The following ALKBH5 variants were observed in gnomAD, a reference collection of about 807,000 sequenced individuals.
The protein encoded by ALKBH5 is alkB homolog 5, RNA demethylase.
ALKBH5 carries 2 observed loss-of-function variants against 32.1 expected under a neutral mutation model. That is an observed-to-expected ratio of 0.06 (90% CI 0.03 to 0.20). The LOEUF is 0.20. ALKBH5 is among the 10% of genes least tolerant of loss of function. The probability of loss-of-function intolerance (pLI) is 1.00; values close to 1 mark genes in which losing one functional copy is unlikely to be tolerated. For synonymous variants in ALKBH5, 300 were observed against 231.7 expected (o/e 1.29, Z -2.68); for missense variants, 352 against 559.5 (o/e 0.63, Z 3.74).
chr17:18,193,225 G>A (rs1467644260), intron 1 of ALKBH5, among the ~76,000 whole-genome samples: 1 of 111,988 alleles, frequency 8.9e-6, no homozygotes, highest in Non-Finnish European at 1.8e-5. Context: ...TTGTCTAGGA[G>A]CAGCTTGAGG....
In ALKBH5 at chr17:18,208,550, G is replaced by T; in HGVS notation, c.*154G>T. 1.1e-6 allele frequency: 1 copy of T among 919,522 alleles called. No homozygotes were observed. The allele number at this position is 919,522 out of a possible 1,614,324, so 57.0% of individuals were successfully genotyped here. On this transcript the variant is annotated 3_prime_UTR_variant, in exon 4 of 4. Coordinates refer to ENST00000399138, the MANE Select transcript of ALKBH5 (RefSeq NM_017758.4). ...ATATTTTTCCTTGGTTTTGTTGCCT[G>T]TTAGGGCTGAAGAATAGAATTGGCC... is the stretch of plus-strand genomic sequence containing the variant.
chr17:18,203,982 C>T (rs935450091), intron 2 of ALKBH5, among the ~76,000 whole-genome samples: 14 of 152,228 alleles, frequency 9.2e-5, no homozygotes, highest in Non-Finnish European at 1.8e-4. Flanking sequence ...GGCCTTCCTT[C>T]CCTGAACATG....
intron 1 of ALKBH5, among the ~76,000 whole-genome samples, chr17:18,193,559 T>A (rs1173838811): frequency 2.7e-5 from 4 of 149,856 alleles, no homozygotes; most frequent in Non-Finnish European, 5.9e-5. Flanking sequence ...AAAAAAAAAA[T>A]TAAATAAAAT....
rs1160620572 is a variant in ALKBH5 at position 18,184,411 on chromosome 17, C to T, written c.168C>T (p.Ala56=). ...AAAEPYPVSG[A]KRKYQEDSDP... is the part of the protein sequence containing the mutation. The stretch of plus-strand genomic sequence containing the variant: ...CCGAACCTTACCCTGTGTCCGGGGC[C>T]AAGCGCAAGTATCAGGAGGACTCGG... The change falls in exon 1 of 4, where the codon GCC becomes GCT. Residue 56 remains alanine, a synonymous_variant. Coordinates refer to ENST00000399138, the MANE Select transcript of ALKBH5 (RefSeq NM_017758.4). The T allele has an allele frequency of 1.3e-6, 2 of 1,575,656 alleles. No individual in the cohort carries two copies. The highest frequency in any genetic ancestry group is 1.1e-5 in the South Asian group (1 of 87,660).
chr17:18,184,073 C>T lies in ALKBH5; in HGVS notation c.-171C>T. ...GTTGCATGACCCGCCGCTCCTGAGG[C>T]CCTACCCCACGCCCGGACCCTCGAC... On this transcript the variant is annotated 5_prime_UTR_variant, in exon 1 of 4. Transcript: ENST00000399138. 3 of 687,598 alleles carry T rather than the reference C, an allele frequency of 4.4e-6. No homozygotes were observed. The highest frequency in any genetic ancestry group is 7.8e-6 in the Non-Finnish European group (3 of 385,364). The allele number at this position is 687,598 out of a possible 1,614,324, so 42.6% of individuals were successfully genotyped here.
At chr17:18,187,877 C>A (rs1455195690) in intron 1 of ALKBH5, among the ~76,000 whole-genome samples, 1 of 152,132 alleles carries the variant, frequency 6.6e-6, no homozygotes, top group African/African-American at 2.4e-5. Flanking sequence ...TCTTAGACTT[C>A]AGTTGGTGTT....
chr17:18,189,338 T>C (rs758440457), intron 1 of ALKBH5, among the ~76,000 whole-genome samples: 3 of 152,032 alleles, frequency 2.0e-5, no homozygotes, highest in Admixed American at 6.6e-5. Context: ...ACCGAGATCA[T>C]GCCACTGAAC....
chr17:18,184,255 C>G lies in ALKBH5; in HGVS notation c.12C>G (p.Ala4=). Residue 4 remains alanine, a synonymous_variant, in exon 1 of 4, where the codon GCC becomes GCG. Transcript: ENST00000399138. The part of the protein sequence containing the change: MAA[A]SGYTDLREKL... ...GCGTCGTGGGGGCCATGGCGGCCGC[C>G]AGCGGCTACACGGACCTGCGTGAGA... 1 of 1,518,030 alleles carries G rather than the reference C, an allele frequency of 6.6e-7. No individual in the cohort carries two copies. Among genetic ancestry groups the G allele is most frequent in the South Asian group, 1.2e-5 (1 of 81,460 alleles). The allele number at this position is 1,518,030 out of a possible 1,614,324, so 94.0% of individuals were successfully genotyped here.
intron 2 of ALKBH5, among the ~76,000 whole-genome samples, chr17:18,205,825 G>A (rs1337202399): frequency 6.6e-6 from 1 of 152,152 alleles, no homozygotes; most frequent in East Asian, 1.9e-4. Flanking sequence ...TTAGAGTCCT[G>A]CTCTGACTGC....
chr17:18,201,726 C>T (rs1305065023), intron 2 of ALKBH5, among the ~76,000 whole-genome samples: 2 of 148,548 alleles, frequency 1.3e-5, no homozygotes, highest in Non-Finnish European at 3.0e-5. Flanking sequence ...GCTTGGGCTA[C>T]AGGGTGAGAC....
At position 18,188,950 on chromosome 17, in the gene ALKBH5, C is replaced by G. The variant is rs2142470570; in HGVS notation, c.770+3937C>G. Among the ~76,000 whole-genome samples the G allele has an allele frequency of 2.6e-5, 4 of 152,194 alleles. No individual in the cohort carries two copies. In the Middle Eastern group the frequency reaches 0.01, roughly 388 times the overall value. On this transcript the variant is annotated intron_variant, in intron 1 of 3. Coordinates refer to ENST00000399138, the MANE Select transcript of ALKBH5 (RefSeq NM_017758.4). Reference sequence around the variant, plus strand: ...GGCATGGTAGTGTGCACCTCTAATCCCAGCTACTCAGGAGGCTGAGGCAGG... The same window carrying G: ...GGCATGGTAGTGTGCACCTCTAATCGCAGCTACTCAGGAGGCTGAGGCAGG...
intron 2 of ALKBH5, among the ~76,000 whole-genome samples, chr17:18,198,932 C>T (rs114795220): frequency 0.019 from 2,828 of 152,274 alleles, 78 homozygotes; most frequent in African/African-American, 0.058. Flanking sequence ...CAGTAAATGG[C>T]TGAGTGACAC....
chr17:18,187,156 ACACTGAAGGGGGACATCTTTTC>A (rs1273663364), intron 1 of ALKBH5, among the ~76,000 whole-genome samples: 1 of 152,092 alleles, frequency 6.6e-6, no homozygotes, highest in Non-Finnish European at 1.5e-5. Flanking sequence ...CTGCAGAAGC[ACACTGAAGGGGGACATCTTTTC>A]CACTTTGGAG....
At chr17:18,187,843 G>A (rs1264314299) in intron 1 of ALKBH5, among the ~76,000 whole-genome samples, 1 of 152,202 alleles carries the variant, frequency 6.6e-6, no homozygotes, top group African/African-American at 2.4e-5. Context: ...CGGTGCAGAT[G>A]GGGAGGGATT....
In ALKBH5 at chr17:18,208,237, G is replaced by A; in HGVS notation, c.1026G>A (p.Met342Ile). 2 of 1,609,490 alleles carry A rather than the reference G, an allele frequency of 1.2e-6. No individual in the cohort carries two copies. The highest frequency in any genetic ancestry group is 1.7e-6 in the Non-Finnish European group (2 of 1,177,694). Residue 342 changes from methionine (M) to isoleucine (I), a missense_variant, in exon 4 of 4, where the codon ATG (methionine) becomes ATA (isoleucine). Around this residue, in one of 4 missense-constraint regions of ALKBH5, gnomAD observed 124 missense variants for 142.4 expected, o/e 0.87. Transcript: ENST00000399138. ...CTTGCAGGCCACGGATCCTGGAGAT[G>A]GACAAGGAAGAGAACCGGCGCTCGG... The part of the protein sequence containing the change: ...DAAHRPRILE[M>I]DKEENRRSVL...
intron 2 of ALKBH5, among the ~76,000 whole-genome samples, chr17:18,201,788 A>AGG: frequency 1.2e-5 from 1 of 83,364 alleles, no homozygotes; most frequent in African/African-American, 4.8e-5. Context: ...GATAGATAGG[A>AGG]TAGATAAGAT....
chr17:18,196,735 C>G (rs2047206639), intron 2 of ALKBH5, among the ~76,000 whole-genome samples: 1 of 152,174 alleles, frequency 6.6e-6, no homozygotes, highest in African/African-American at 2.4e-5. Context: ...CTTGTCCATA[C>G]TGTACCCTTA....
At chr17:18,202,046 G>A (rs1251979082) in intron 2 of ALKBH5, among the ~76,000 whole-genome samples, 5 of 151,992 alleles carry the variant, frequency 3.3e-5, no homozygotes, top group South Asian at 2.1e-4. Context: ...GGTGGTTCAC[G>A]CCTGTAATTC....
In ALKBH5 at chr17:18,208,242, A is replaced by G. The variant is rs1555551372; in HGVS notation, c.1031A>G (p.Lys344Arg). 1 of 1,610,846 alleles carries G rather than the reference A, an allele frequency of 6.2e-7. No homozygotes were observed. Among genetic ancestry groups the G allele is most frequent in the Non-Finnish European group, 8.5e-7 (1 of 1,178,478 alleles). The change falls in exon 4 of 4, where the codon AAG (lysine) becomes AGG (arginine). Residue 344 changes from lysine to arginine, a missense_variant. Around this residue, in one of 4 missense-constraint regions of ALKBH5, gnomAD observed 124 missense variants for 142.4 expected, o/e 0.87. Transcript: ENST00000399138. ...AGGCCACGGATCCTGGAGATGGACA[A>G]GGAAGAGAACCGGCGCTCGGTGCTG... is the stretch of plus-strand genomic sequence containing the variant. ...AHRPRILEMD[K>R]EENRRSVLLP...
Sources: allele counts gnomAD v4.1 joint callset (sites outside exome capture counted in the v4.1 genomes callset), GRCh38; gene constraint gnomAD v4.1.1; regional missense constraint gnomAD v4.1.1; transcripts MANE v1.5; gene names NCBI Gene and HGNC (gene_info 2026-07-23, HGNC 2026-07-21).